Variants in RMND5B observed in about 807,000 individuals in gnomAD.
The protein encoded by RMND5B is E3 ubiquitin-protein transferase RMND5B.
Under a neutral mutation model 50.4 loss-of-function variants are expected in RMND5B, and 42 were observed. The observed-to-expected ratio is 0.83, with a 90% CI of 0.65 to 1.08. RMND5B has a LOEUF of 1.08. RMND5B is among the 50% of genes least tolerant of loss of function. The pLI, the probability that RMND5B is intolerant of heterozygous loss-of-function variation, is 0.00. For synonymous variants in RMND5B, 220 were observed against 210.0 expected (o/e 1.05, Z -0.41); for missense variants, 463 against 508.5 (o/e 0.91, Z 0.86).
rs766444265 is a variant in RMND5B at position 178,142,664 on chromosome 5, A to C, written c.221A>C (p.Lys74Thr). ...CGGAAGATCAAAGATACGGTGCAGA[A>C]ACTGGCTTCGGACCATAAGGACATT... is the stretch of plus-strand genomic sequence containing the variant. The part of the protein sequence containing the change: ...CCRKIKDTVQ[K>T]LASDHKDIHS... The change falls in exon 4 of 11, where the codon AAA becomes ACA. Residue 74 changes from lysine to threonine, a missense_variant. By Grantham distance (78) the Lys-to-Thr change is moderately conservative. Transcript: ENST00000313386. 7.4e-6 allele frequency: 12 copies of C among 1,614,224 alleles called. No individual in the cohort carries two copies. Among genetic ancestry groups the C allele is most frequent in the Non-Finnish European group, 1.0e-5 (12 of 1,180,042 alleles).
At chr5:178,147,676 G>A in intron 9 of RMND5B, 41 bp downstream of exon 9, 2 of 1,614,088 alleles carry the variant, frequency 1.2e-6, no homozygotes, top group Non-Finnish European at 1.7e-6. Flanking sequence ...GAGGTACTGG[G>A]GAGGACAGCC....
intron 7 of RMND5B, among the ~76,000 whole-genome samples, chr5:178,144,607 C>T (rs1036914433): frequency 2.4e-4 from 37 of 151,714 alleles, no homozygotes; most frequent in Admixed American, 2.2e-3. Flanking sequence ...TTGTGGCGGG[C>T]GTTTGTAGTC....
chr5:178,132,925 C>T (rs1276227758), intron 2 of RMND5B, among the ~76,000 whole-genome samples: 4 of 148,132 alleles, frequency 2.7e-5, no homozygotes, highest in South Asian at 2.2e-4. Context: ...AGTGCAGTGG[C>T]GCCATCTCAG....
chr5:178,147,691 C>T (rs910034774), intron 9 of RMND5B, 38 bp from the exon 10 acceptor site: 3 of 1,614,042 alleles, frequency 1.9e-6, no homozygotes, highest in South Asian at 1.1e-5. Flanking sequence ...ACAGCCATGA[C>T]AGGAAGTGGA....
chr5:178,147,297 A>G (rs970604573), intron 8 of RMND5B: 6 of 565,062 alleles, frequency 1.1e-5, no homozygotes, highest in African/African-American at 7.5e-5. Flanking sequence ...AGCTATAGGA[A>G]GTCTTCCCTG....
intron 2 of RMND5B, among the ~76,000 whole-genome samples, chr5:178,134,700 C>T (rs1045022888): frequency 6.6e-6 from 1 of 152,104 alleles, no homozygotes; most frequent in African/African-American, 2.4e-5. Flanking sequence ...GGTGATTTGG[C>T]TCACACCTGT....
In RMND5B at chr5:178,149,703, C is replaced by T. The variant is rs769885801; in HGVS notation, c.*1671C>T. 6.8e-6 allele frequency: 11 copies of T among 1,612,880 alleles called. No individual in the cohort carries two copies. The highest frequency in any genetic ancestry group is 9.3e-6 in the Non-Finnish European group (11 of 1,179,912). On this transcript the variant is annotated 3_prime_UTR_variant, in exon 11 of 11. Coordinates refer to ENST00000313386, the MANE Select transcript of RMND5B (RefSeq NM_022762.5). The stretch of plus-strand genomic sequence containing the variant: ...TCCAGCGGCAGGTGCCCAGGTGCTA[C>T]CGGAGCCCCTCATAGGGGTAGGGGC...
At chr5:178,143,116 C>A in intron 5 of RMND5B, 124 bp downstream of exon 5, 1 of 1,162,280 alleles carries the variant, frequency 8.6e-7, no homozygotes, top group Non-Finnish European at 1.2e-6. Context: ...AGCACCTCTG[C>A]CAGAAGCAGA....
intron 7 of RMND5B, among the ~76,000 whole-genome samples, chr5:178,144,885 C>T (rs75498640): frequency 0.019 from 2,909 of 152,158 alleles, 94 homozygotes; most frequent in African/African-American, 0.067. Context: ...ATAAAAAAGA[C>T]TCAGTTGAGC....
intron 3 of RMND5B, 124 bp from the exon 4 acceptor site, chr5:178,142,459 C>A: frequency 9.1e-7 from 1 of 1,104,206 alleles, no homozygotes; most frequent in Non-Finnish European, 1.3e-6. Flanking sequence ...CTAGTTCTTT[C>A]ACCCTGGCAT....
At chr5:178,146,084 C>T in intron 7 of RMND5B, 30 bp from the exon 8 acceptor site, 1 of 1,611,652 alleles carries the variant, frequency 6.2e-7, no homozygotes. Context: ...CCCTGCACCC[C>T]CTGAGCTGCC....
Position 178,149,411 on chromosome 5 carries a change from G to A in RMND5B, c.*1379G>A, listed in dbSNP as rs866445572. 2.8e-6 allele frequency: 1 copy of A among 361,460 alleles called. No homozygotes were observed. Among genetic ancestry groups the A allele is most frequent in the Non-Finnish European group, 5.3e-6 (1 of 187,198 alleles). 22.4% of individuals were successfully genotyped at this position (361,460 alleles called of 1,614,324 possible). On this transcript the variant is annotated 3_prime_UTR_variant, in exon 11 of 11. Transcript: ENST00000313386. ...CTTCACTCTTCCCGCCCACCAACTC[G>A]CTGGCCCAACCAGCAGCTGCTGCTT...
intron 8 of RMND5B, 37 bp from the exon 9 acceptor site, chr5:178,147,496 G>A: frequency 6.3e-7 from 1 of 1,580,208 alleles, no homozygotes; most frequent in Non-Finnish European, 8.7e-7. Context: ...TGTCTGCTGT[G>A]ATCTGAGCCA....
At chr5:178,144,604 G>A (rs1235066900) in intron 7 of RMND5B, among the ~76,000 whole-genome samples, 1 of 151,894 alleles carries the variant, frequency 6.6e-6, no homozygotes, top group Non-Finnish European at 1.5e-5. Flanking sequence ...GCGTTGTGGC[G>A]GGCGTTTGTA....
chr5:178,142,871 G>T lies in RMND5B; in HGVS notation c.305G>T (p.Cys102Phe), dbSNP rs1554098015. 1.2e-6 allele frequency: 2 copies of T among 1,614,122 alleles called. No homozygotes were observed. Among genetic ancestry groups the T allele is most frequent in the Non-Finnish European group, 8.5e-7 (1 of 1,180,054 alleles). Reference protein sequence around the residue: ...AIDRNFDSEICGVVSDAVWDA... With the variant: ...AIDRNFDSEIFGVVSDAVWDA... ...CGTCAGAACTTCGACTCTGAGATCT[G>T]TGGTGTTGTGTCAGATGCGGTGTGG... The change falls in exon 5 of 11, where the codon TGT becomes TTT. Residue 102 changes from cysteine to phenylalanine, a missense_variant. By Grantham distance (205) the Cys-to-Phe change is radical. Transcript: ENST00000313386.
chr5:178,148,805 C>T lies in RMND5B; in HGVS notation c.*773C>T, dbSNP rs78053562. On this transcript the variant is annotated 3_prime_UTR_variant, in exon 11 of 11. Coordinates refer to ENST00000313386, the MANE Select transcript of RMND5B (RefSeq NM_022762.5). ...TCTTACTAACTCCATAGGAGAAATC[C>T]GTGTAATGGGATTCAGGAAAATGAA... The T allele has an allele frequency of 0.022, 3,414 of 152,318 alleles. 50 individuals are homozygous for T. The highest frequency in any genetic ancestry group is 0.061 in the Middle Eastern group (18 of 294). The allele number at this position is 152,318 out of a possible 1,614,324, so 9.4% of individuals were successfully genotyped here. A position where few individuals can be genotyped will look rare whatever the true frequency, so the allele number is the denominator to read the frequency against.
chr5:178,140,218 GGCTGCAGT>G, intron 3 of RMND5B, among the ~76,000 whole-genome samples: 1 of 152,250 alleles, frequency 6.6e-6, no homozygotes, highest in South Asian at 2.1e-4. Context: ...TTGTTGCCCA[GGCTGCAGT>G]GCAGTGGCAC....
chr5:178,145,309 A>AC (rs1342640796), intron 7 of RMND5B, among the ~76,000 whole-genome samples: 1 of 151,810 alleles, frequency 6.6e-6, no homozygotes, highest in Non-Finnish European at 1.5e-5. Flanking sequence ...ACATGGTGAA[A>AC]CCCCATCTCT....
chr5:178,142,826 A>G, intron 4 of RMND5B, 26 bp from the exon 5 acceptor site: 1 of 1,614,248 alleles, frequency 6.2e-7, no homozygotes, highest in Non-Finnish European at 8.5e-7. Flanking sequence ...CCGCATCACC[A>G]GGCCCTGTCT....
Sources: gnomAD v4.1 joint callset for allele counts (sites outside exome capture counted in the v4.1 genomes callset) on GRCh38, gnomAD v4.1.1 for gene constraint, MANE v1.5 for transcripts, NCBI Gene and HGNC (gene_info 2026-07-23, HGNC 2026-07-21) for gene names.